Variants in DNAJC1 observed in about 807,000 individuals in gnomAD.
DNAJC1 encodes dnaJ homolog subfamily C member 1.
A neutral mutation model predicts 76.6 loss-of-function variants in DNAJC1; 58 were observed. The ratio of observed to expected loss-of-function variants is 0.76; its 90% CI spans 0.61 to 0.94. The LOEUF (loss-of-function observed/expected upper bound fraction) is 0.94, where lower values mean the gene tolerates loss of function less well. Ranked by LOEUF, DNAJC1 falls within the 40% of genes least tolerant of loss-of-function variation. The pLI is 0.00. For missense variants in DNAJC1, 689 were observed against 677.3 expected (o/e 1.02, Z -0.19); for synonymous variants, 258 against 267.9 (o/e 0.96, Z 0.36).
chr10:21,781,423 G>A (rs1834525549), intron 9 of DNAJC1, among the ~76,000 whole-genome samples: 1 of 152,160 alleles, frequency 6.6e-6, no homozygotes, highest in Non-Finnish European at 1.5e-5. Context: ...CTAGAACTCA[G>A]GATTAAGAAA....
At position 21,813,855 on chromosome 10, in the gene DNAJC1, G is replaced by A. The variant is rs74229967; in HGVS notation, c.979-7756C>T. Among the ~76,000 whole-genome samples the A allele has an allele frequency of 3.3e-5, 5 of 152,154 alleles. No homozygotes were observed. In the East Asian group the frequency reaches 9.6e-4, roughly 29 times the overall value. On this transcript the variant is annotated intron_variant, in intron 8 of 11. Coordinates refer to ENST00000376980, the MANE Select transcript of DNAJC1 (RefSeq NM_022365.4). ...AGGAGTCAGTTGGCCCTCTTACTCT[G>A]TGGGAACTAAGCTCAGAGAACAAGC...
intron 1 of DNAJC1, among the ~76,000 whole-genome samples, chr10:21,994,555 G>A (rs929792130): frequency 3.3e-5 from 5 of 152,084 alleles, no homozygotes; most frequent in African/African-American, 7.2e-5. Context: ...TTGGGAGGCC[G>A]AGACAGGTGG....
intron 1 of DNAJC1, among the ~76,000 whole-genome samples, chr10:21,959,509 G>A (rs971365595): frequency 2.6e-5 from 4 of 151,960 alleles, no homozygotes; most frequent in African/African-American, 7.3e-5. Context: ...TGAGAAATCC[G>A]GCCAAGCACT....
intron 8 of DNAJC1, among the ~76,000 whole-genome samples, chr10:21,839,987 C>T (rs1435448864): frequency 1.3e-5 from 2 of 152,124 alleles, no homozygotes; most frequent in African/African-American, 4.8e-5. Flanking sequence ...ATAAACAGAA[C>T]CAAAGACAAA....
intron 9 of DNAJC1, among the ~76,000 whole-genome samples, chr10:21,780,695 C>T (rs960658236): frequency 1.3e-5 from 2 of 152,138 alleles, no homozygotes; most frequent in African/African-American, 4.8e-5. Context: ...AACTAACGAG[C>T]AAAATAACCA....
intron 6 of DNAJC1, among the ~76,000 whole-genome samples, chr10:21,905,855 C>T (rs529128895): frequency 3.0e-4 from 45 of 152,214 alleles, no homozygotes; most frequent in African/African-American, 1.1e-3. Flanking sequence ...TCTAGGGTAA[C>T]ATTCTCAGAC....
intron 1 of DNAJC1, among the ~76,000 whole-genome samples, chr10:21,934,260 TA>T (rs1837275419): frequency 6.6e-6 from 1 of 151,880 alleles, no homozygotes; most frequent in Non-Finnish European, 1.5e-5. Context: ...GAAAAAAGCT[TA>T]TAAGGATATA....
chr10:21,812,421 G>A (rs745573264), intron 8 of DNAJC1, among the ~76,000 whole-genome samples: 48 of 152,140 alleles, frequency 3.2e-4, no homozygotes, highest in East Asian at 1.7e-3. Flanking sequence ...CTTGAAGTAC[G>A]TGTTCATGTC....
intron 7 of DNAJC1, among the ~76,000 whole-genome samples, chr10:21,891,476 C>CAAAAAAAAAAAAAA (rs369729722): frequency 1.2e-3 from 48 of 38,770 alleles, no homozygotes; most frequent in East Asian, 3.1e-3. Flanking sequence ...ACAAAGTAGA[C>CAAAAAAAAAAAAAA]AAAAAAAAAA....
intron 8 of DNAJC1, among the ~76,000 whole-genome samples, chr10:21,815,804 G>A (rs1479622881): frequency 6.6e-6 from 1 of 151,516 alleles, no homozygotes; most frequent in Non-Finnish European, 1.5e-5. Flanking sequence ...GGAGGGCAGT[G>A]GTGTGAACTT....
At chr10:21,962,187 A>G (rs1392760554) in intron 1 of DNAJC1, among the ~76,000 whole-genome samples, 1 of 152,132 alleles carries the variant, frequency 6.6e-6, no homozygotes, top group Non-Finnish European at 1.5e-5. Flanking sequence ...CTCTTCCACT[A>G]GAATGTAAAC....
intron 1 of DNAJC1, among the ~76,000 whole-genome samples, chr10:21,930,322 CAT>C (rs984375625): frequency 3.9e-5 from 6 of 152,256 alleles, no homozygotes; most frequent in Admixed American, 2.6e-4. Flanking sequence ...ATTAAAATAA[CAT>C]ATTAATATTG....
intron 8 of DNAJC1, among the ~76,000 whole-genome samples, chr10:21,819,645 A>C (rs1589994825): frequency 6.6e-6 from 1 of 152,038 alleles, no homozygotes; most frequent in South Asian, 2.1e-4. Context: ...TTAGCATACC[A>C]TAGGCCAGGC....
chr10:21,830,504 T>C (rs559724651), intron 8 of DNAJC1, among the ~76,000 whole-genome samples: 9 of 152,172 alleles, frequency 5.9e-5, no homozygotes, highest in Admixed American at 5.9e-4. Context: ...CTGTGGTTAG[T>C]TTTAAGATTT....
At chr10:21,942,610 T>C (rs1837433422) in intron 1 of DNAJC1, among the ~76,000 whole-genome samples, 1 of 151,852 alleles carries the variant, frequency 6.6e-6, no homozygotes, top group Admixed American at 6.6e-5. Context: ...ATCGAGACCT[T>C]CCTGGCTAAC....
intron 7 of DNAJC1, 46 bp from the exon 8 acceptor site, chr10:21,882,485 A>G (rs779264461): frequency 8.0e-7 from 1 of 1,247,706 alleles, no homozygotes. Context: ...TTTAAAGAAT[A>G]AAATTAATTT....
intron 9 of DNAJC1, among the ~76,000 whole-genome samples, chr10:21,786,461 TATAGAGAGAG>T (rs1382249914): frequency 2.8e-4 from 9 of 32,106 alleles, no homozygotes; most frequent in African/African-American, 7.2e-4. Flanking sequence ...TATATATATA[TATAGAGAGAG>T]AGAGAGAGAG....
intron 8 of DNAJC1, among the ~76,000 whole-genome samples, chr10:21,837,469 C>T (rs1006585718): frequency 2.3e-4 from 34 of 146,590 alleles, no homozygotes; most frequent in African/African-American, 6.6e-4. Context: ...AAGTGAGGAG[C>T]GTCTCTGCCC....
chr10:21,863,087 G>A (rs563087324), intron 8 of DNAJC1, among the ~76,000 whole-genome samples: 1 of 151,994 alleles, frequency 6.6e-6, no homozygotes, highest in Non-Finnish European at 1.5e-5. Context: ...TGCCGAGATC[G>A]CGCCATTGCA....
Sources: allele counts gnomAD v4.1 joint callset (sites outside exome capture counted in the v4.1 genomes callset), GRCh38; gene constraint gnomAD v4.1.1; transcripts MANE v1.5; gene names NCBI Gene and HGNC (gene_info 2026-07-23, HGNC 2026-07-21).